The following NLRC4 variants were observed in gnomAD, a reference collection of about 807,000 sequenced individuals.
NLRC4 encodes NLR family CARD domain-containing protein 4.
A neutral mutation model predicts 79.9 loss-of-function variants in NLRC4; 63 were observed. That is an observed-to-expected ratio of 0.79 (90% CI 0.64 to 0.97). The LOEUF (loss-of-function observed/expected upper bound fraction) is 0.97, where lower values mean the gene tolerates loss of function less well. NLRC4 is among the 50% of genes least tolerant of loss of function. The pLI is 0.00. For synonymous variants in NLRC4, 461 were observed against 456.5 expected (o/e 1.01, Z -0.12); for missense variants, 1,074 against 1,215.2 (o/e 0.88, Z 1.73).
At chr2:32,242,288 A>G (rs1387275792) in intron 4 of NLRC4, among the ~76,000 whole-genome samples, 3 of 152,234 alleles carry the variant, frequency 2.0e-5, no homozygotes, top group Admixed American at 6.5e-5. Context: ...ACAAAGAAAA[A>G]GAAGACAAAA....
At chr2:32,262,875 G>A (rs1029879691) in intron 1 of NLRC4, among the ~76,000 whole-genome samples, 1 of 151,478 alleles carries the variant, frequency 6.6e-6, no homozygotes, top group African/African-American at 2.4e-5. Flanking sequence ...GTGAATAACT[G>A]AATTGGGTGG....
At chr2:32,229,566 T>G (rs1686483708) in intron 8 of NLRC4, among the ~76,000 whole-genome samples, 1 of 152,090 alleles carries the variant, frequency 6.6e-6, no homozygotes. Flanking sequence ...GAAACAAAAT[T>G]TTGGGAGTCA....
chr2:32,245,269 C>G (rs181311075), intron 4 of NLRC4, among the ~76,000 whole-genome samples: 3 of 146,888 alleles, frequency 2.0e-5, no homozygotes, highest in African/African-American at 7.7e-5. Flanking sequence ...CGAGATCACA[C>G]CACTGCACCC....
chr2:32,249,529 C>A, intron 4 of NLRC4, 78 bp downstream of exon 4: 1 of 1,107,582 alleles, frequency 9.0e-7, no homozygotes, highest in Non-Finnish European at 1.3e-6. Context: ...AATAAAGTCT[C>A]CTCTCTCCTT....
intron 4 of NLRC4, among the ~76,000 whole-genome samples, chr2:32,241,561 G>A (rs1686803086): frequency 6.6e-6 from 1 of 151,784 alleles, no homozygotes; most frequent in African/African-American, 2.4e-5. Context: ...TGTATTTTTA[G>A]TAGAGACGGG....
At chr2:32,260,374 G>A (rs1360486518) in intron 1 of NLRC4, among the ~76,000 whole-genome samples, 1 of 152,000 alleles carries the variant, frequency 6.6e-6, no homozygotes, top group East Asian at 1.9e-4. Flanking sequence ...ACTTCTCTAA[G>A]AATAGCTTAC....
chr2:32,227,668 G>A lies in NLRC4; in HGVS notation c.2783-2903C>T, dbSNP rs1282047641. On this transcript the variant is annotated intron_variant, in intron 8 of 8. Transcript: ENST00000402280. ...CAATTTATAGTGGTTATCTACTAAG[G>A]TATAAGGATCTTATCATCAATTTAA... is the stretch of plus-strand genomic sequence containing the variant. Among the ~76,000 whole-genome samples the A allele has an allele frequency of 1.3e-5, 2 of 152,178 alleles. 1 individual carries two copies. The highest frequency in any genetic ancestry group is 4.1e-4 in the South Asian group (2 of 4,832).
chr2:32,240,540 T>G (rs1174035794), intron 5 of NLRC4, among the ~76,000 whole-genome samples: 2 of 152,050 alleles, frequency 1.3e-5, no homozygotes, highest in Non-Finnish European at 2.9e-5. Flanking sequence ...TCCTGAAGTT[T>G]CCTTTTCCTT....
intron 1 of NLRC4, among the ~76,000 whole-genome samples, chr2:32,263,538 A>C (rs1172029403): frequency 1.3e-5 from 2 of 152,212 alleles, no homozygotes; most frequent in Non-Finnish European, 2.9e-5. Flanking sequence ...GAAGCCCTGA[A>C]CCTCAGAATG....
intron 2 of NLRC4, among the ~76,000 whole-genome samples, chr2:32,254,994 C>G (rs1687172318): frequency 6.6e-6 from 1 of 151,792 alleles, no homozygotes; most frequent in African/African-American, 2.4e-5. Flanking sequence ...ACCTCTCTGG[C>G]CTGAAATGCA....
rs1330081225 is a variant in NLRC4, at chr2:32,249,872, G to A, written c.1992C>T (p.Val664=). The A allele has an allele frequency of 1.2e-6, 2 of 1,614,046 alleles. No individual in the cohort carries two copies. Among genetic ancestry groups the A allele is most frequent in the Non-Finnish European group, 1.7e-6 (2 of 1,180,056 alleles). The part of the protein sequence containing the change: ...NWKQEFRTLE[V]TLRDFSKLNK... ...TCAACTTGCTGAAATCCCGGAGTGT[G>A]ACCTCCAGAGTCCTGAATTCCTGCT... The change falls in exon 4 of 9, where the codon GTC becomes GTT. Residue 664 remains valine (V), a synonymous_variant. Coordinates refer to ENST00000402280, the MANE Select transcript of NLRC4 (RefSeq NM_001199138.2).
At chr2:32,243,043 G>A (rs1209259871) in intron 4 of NLRC4, among the ~76,000 whole-genome samples, 1 of 146,412 alleles carries the variant, frequency 6.8e-6, no homozygotes, top group African/African-American at 2.5e-5. Flanking sequence ...ATGAGACAAT[G>A]TCTTTAATGA....
chr2:32,257,248 T>A (rs974151913), intron 1 of NLRC4, among the ~76,000 whole-genome samples: 10 of 151,666 alleles, frequency 6.6e-5, no homozygotes, highest in Admixed American at 2.0e-4. Flanking sequence ...CAGGAAAGAG[T>A]ATATGGACTG....
chr2:32,229,339 C>T (rs1047445920), intron 8 of NLRC4, among the ~76,000 whole-genome samples: 2 of 152,004 alleles, frequency 1.3e-5, no homozygotes, highest in Admixed American at 6.6e-5. Context: ...CGGCATGGAC[C>T]GGTAATCCCA....
intron 8 of NLRC4, among the ~76,000 whole-genome samples, chr2:32,232,260 G>T (rs1686555462): frequency 6.6e-6 from 1 of 152,130 alleles, no homozygotes. Flanking sequence ...TTTGCTGCAT[G>T]CTACAAGTTT....
intron 8 of NLRC4, among the ~76,000 whole-genome samples, chr2:32,231,580 G>C (rs1214726500): frequency 1.1e-4 from 12 of 106,580 alleles, no homozygotes; most frequent in African/African-American, 4.1e-4. Flanking sequence ...TTTGTGGGGG[G>C]GGGGTGGGGG....
At chr2:32,239,749 T>C (rs1686752756) in intron 5 of NLRC4, among the ~76,000 whole-genome samples, 1 of 152,238 alleles carries the variant, frequency 6.6e-6, no homozygotes, top group Admixed American at 6.5e-5. Context: ...GAGGTACTTT[T>C]TGACCTCTTT....
chr2:32,236,019 G>C (rs1686664699), intron 7 of NLRC4, among the ~76,000 whole-genome samples: 1 of 152,144 alleles, frequency 6.6e-6, no homozygotes, highest in African/African-American at 2.4e-5. Context: ...AGGAAAGCAG[G>C]TGGGATACCG....
At chr2:32,265,487 T>A (rs1687444753), upstream of NLRC4, 1 of 152,292 alleles carries the variant, frequency 6.6e-6, no homozygotes, top group Non-Finnish European at 1.5e-5. Context: ...AGCCACAACA[T>A]GTATTTTTAA....
Sources: allele counts gnomAD v4.1 joint callset (sites outside exome capture counted in the v4.1 genomes callset), GRCh38; gene constraint gnomAD v4.1.1; transcripts MANE v1.5; gene names NCBI Gene and HGNC (gene_info 2026-07-23, HGNC 2026-07-21).